ST3GAL6: variants seen among roughly 807,000 people sequenced by gnomAD.
ST3GAL6 encodes ST3 beta-galactoside alpha-2,3-sialyltransferase 6.
ST3GAL6 carries 31 observed loss-of-function variants against 40.5 expected under a neutral mutation model. The observed-to-expected ratio is 0.77, with a 90% CI of 0.58 to 1.03. ST3GAL6 has a LOEUF of 1.03. Among genes scored for constraint, ST3GAL6 ranks in the 50% least tolerant of loss-of-function variants. ST3GAL6 has a pLI of 0.00. For missense variants in ST3GAL6, 357 were observed against 393.2 expected (o/e 0.91, Z 0.78); for synonymous variants, 129 against 136.9 (o/e 0.94, Z 0.40).
upstream of ST3GAL6, among the ~76,000 whole-genome samples, chr3:98,762,287 T>C (rs1937871101): frequency 2.0e-5 from 3 of 152,244 alleles, no homozygotes; most frequent in Admixed American, 2.0e-4. Flanking sequence ...TCAAAATGTA[T>C]ACAGCTGATC....
chr3:98,769,018 G>A (rs1938678137), intron 2 of ST3GAL6, among the ~76,000 whole-genome samples: 1 of 152,182 alleles, frequency 6.6e-6, no homozygotes, highest in Admixed American at 6.5e-5. Context: ...TAGTTTTACT[G>A]AAGAGAAAGC....
rs1376021917 is a variant in ST3GAL6, at chr3:98,788,026, C to G, written c.432-10C>G. ...TGGTCTACATATCTTGTATGTTTTA[C>G]TATCCACAGAATGAATAATGGTCCT... On this transcript the variant is annotated splice_polypyrimidine_tract_variant and intron_variant, in intron 6 of 9. Coordinates refer to ENST00000483910, the MANE Select transcript of ST3GAL6 (RefSeq NM_001323368.2). 6.2e-7 allele frequency: 1 copy of G among 1,608,466 alleles called. No homozygotes were observed. Among genetic ancestry groups the G allele is most frequent in the African/African-American group, 1.3e-5 (1 of 74,800 alleles).
intron 1 of ST3GAL6, among the ~76,000 whole-genome samples, chr3:98,758,134 C>T (rs927270018): frequency 2.0e-5 from 3 of 152,116 alleles, no homozygotes; most frequent in East Asian, 1.9e-4. Flanking sequence ...CCACCGTGCC[C>T]GGTCCTAATT....
At position 98,793,658 on chromosome 3, in the gene ST3GAL6, G is replaced by GTAT; in HGVS notation, c.910-15_910-13dup. 1 of 1,524,598 alleles carries GTAT rather than the reference G, an allele frequency of 6.6e-7. No individual in the cohort carries two copies. Among genetic ancestry groups the GTAT allele is most frequent in the South Asian group, 1.3e-5 (1 of 79,974 alleles). 94.4% of individuals were successfully genotyped at this position (1,524,598 alleles called of 1,614,324 possible). A position where few individuals can be genotyped will look rare whatever the true frequency, so the allele number is the denominator to read the frequency against. On this transcript the variant is annotated splice_polypyrimidine_tract_variant and intron_variant, in intron 9 of 9. Transcript: ENST00000483910. The stretch of plus-strand genomic sequence containing the variant: ...AGATTGGGAAAGAATGATGGTAATT[G>GTAT]TATTTTTCTTCTTTAGAACGCGTAT...
At chr3:98,771,843 T>C (rs2107198289) in intron 3 of ST3GAL6, among the ~76,000 whole-genome samples, 1 of 152,308 alleles carries the variant, frequency 6.6e-6, no homozygotes, top group South Asian at 2.1e-4. Flanking sequence ...TTAAACTTTT[T>C]TGAACATGAC....
intron 1 of ST3GAL6, among the ~76,000 whole-genome samples, chr3:98,736,909 G>A (rs1935592201): frequency 6.6e-6 from 1 of 152,150 alleles, no homozygotes; most frequent in African/African-American, 2.4e-5. Context: ...AAGACGGAGT[G>A]GGAGGAGATG....
intron 8 of ST3GAL6, among the ~76,000 whole-genome samples, chr3:98,791,084 A>C (rs1941168627): frequency 6.6e-6 from 1 of 152,202 alleles, no homozygotes; most frequent in South Asian, 2.1e-4. Context: ...TAAAAAGCTT[A>C]AGATGTATCT....
At chr3:98,769,526 A>G (rs1352751304) in intron 2 of ST3GAL6, among the ~76,000 whole-genome samples, 1 of 152,194 alleles carries the variant, frequency 6.6e-6, no homozygotes, top group East Asian at 1.9e-4. Context: ...GAGAAAGCAA[A>G]AAGCTTACTA....
chr3:98,760,703 G>A (rs182485010), upstream of ST3GAL6, among the ~76,000 whole-genome samples: 16 of 152,212 alleles, frequency 1.1e-4, no homozygotes, highest in Admixed American at 1.0e-3. Context: ...AAAGTTAAAC[G>A]TGTTTACCAT....
intron 1 of ST3GAL6, among the ~76,000 whole-genome samples, chr3:98,734,788 T>C (rs930915061): frequency 1.3e-5 from 2 of 152,158 alleles, no homozygotes; most frequent in African/African-American, 2.4e-5. Flanking sequence ...TCCTGTGAAA[T>C]TGTAAATCGT....
chr3:98,771,165 A>G (rs772258413), intron 3 of ST3GAL6: 33 of 1,481,446 alleles, frequency 2.2e-5, no homozygotes, highest in Non-Finnish European at 3.0e-5. Flanking sequence ...GAGGAACTCA[A>G]TCAAACCAGT....
At chr3:98,791,539 C>T (rs781763031) in intron 8 of ST3GAL6, among the ~76,000 whole-genome samples, 1 of 152,154 alleles carries the variant, frequency 6.6e-6, no homozygotes, top group Non-Finnish European at 1.5e-5. Context: ...AACAATACAG[C>T]AACATTCTCT....
chr3:98,766,405 CTTTTTTTTTTTT>C (rs369996406), intron 1 of ST3GAL6, among the ~76,000 whole-genome samples: 49 of 104,106 alleles, frequency 4.7e-4, no homozygotes, highest in East Asian at 3.0e-3. Flanking sequence ...AAATGTCATT[CTTTTTTTTTTTT>C]TTTTTTTTTT....
intron 1 of ST3GAL6, among the ~76,000 whole-genome samples, chr3:98,744,788 G>A (rs1234186849): frequency 6.6e-6 from 1 of 151,892 alleles, no homozygotes; most frequent in East Asian, 1.9e-4. Flanking sequence ...TTTTTTAAAT[G>A]AAATCCTGAT....
At position 98,788,060 on chromosome 3, in the gene ST3GAL6, A is replaced by C; in HGVS notation, c.456A>C (p.Gly152=). Reference sequence around the variant, plus strand: ...GAATGAATAATGGTCCTGTTTTAGGACATGAAGAAGAAGTTGGGAGAAGGA... The same window carrying C: ...GAATGAATAATGGTCCTGTTTTAGGCCATGAAGAAGAAGTTGGGAGAAGGA... The part of the protein sequence containing the change: ...IIRMNNGPVL[G]HEEEVGRRTT... Residue 152 remains glycine (G), a synonymous_variant, in exon 7 of 10, where the codon GGA becomes GGC. Coordinates refer to ENST00000483910, the MANE Select transcript of ST3GAL6 (RefSeq NM_001323368.2). 1 of 1,613,724 alleles carries C rather than the reference A, an allele frequency of 6.2e-7. No individual in the cohort carries two copies. Among genetic ancestry groups the C allele is most frequent in the Non-Finnish European group, 8.5e-7 (1 of 1,179,868 alleles).
chr3:98,733,047 G>T, intron 1 of ST3GAL6: 1 of 1,416,652 alleles, frequency 7.1e-7, no homozygotes, highest in Non-Finnish European at 9.2e-7. Flanking sequence ...GACCGGTCTG[G>T]GCCGGGGTCC....
At chr3:98,768,273 C>A (rs905505917) in intron 1 of ST3GAL6, among the ~76,000 whole-genome samples, 157 bp from the exon 2 acceptor site, 1 of 132,600 alleles carries the variant, frequency 7.5e-6, no homozygotes, top group Non-Finnish European at 1.6e-5. Flanking sequence ...TCTTTCTGCA[C>A]GTTTAGTGAG....
intron 1 of ST3GAL6, among the ~76,000 whole-genome samples, chr3:98,737,452 G>C (rs1158688322): frequency 6.6e-6 from 1 of 151,936 alleles, no homozygotes; most frequent in Admixed American, 6.6e-5. Flanking sequence ...TACCATAACT[G>C]ATTTCCCCTC....
At chr3:98,761,648 T>C (rs1937784528), upstream of ST3GAL6, among the ~76,000 whole-genome samples, 1 of 151,776 alleles carries the variant, frequency 6.6e-6, no homozygotes, top group Non-Finnish European at 1.5e-5. Flanking sequence ...CATCAACCTG[T>C]TAACAACATC....
Sources: gnomAD v4.1 joint callset for allele counts (sites outside exome capture counted in the v4.1 genomes callset) on GRCh38, gnomAD v4.1.1 for gene constraint, MANE v1.5 for transcripts, NCBI Gene and HGNC (gene_info 2026-07-23, HGNC 2026-07-21) for gene names.